SLC26A7: variants seen among roughly 807,000 people sequenced by gnomAD.
SLC26A7 encodes the protein solute carrier family 26 member 7.
In SLC26A7, 59 loss-of-function variants were observed where a neutral mutation model predicts 82.5. The ratio of observed to expected loss-of-function variants is 0.72; its 90% CI spans 0.58 to 0.89. SLC26A7 has a LOEUF of 0.89. Among genes scored for constraint, SLC26A7 ranks in the 40% least tolerant of loss-of-function variants. SLC26A7 has a pLI of 0.00. For synonymous variants in SLC26A7, 271 were observed against 274.3 expected, an observed-to-expected ratio of 0.99 and a Z score of 0.12; for missense variants, 820 against 793.0, an observed-to-expected ratio of 1.03 and a Z score of -0.41.
chr8:91,341,356 A>G (rs1044054143), intron 8 of SLC26A7, among the ~76,000 whole-genome samples: 2 of 152,040 alleles, frequency 1.3e-5, no homozygotes, highest in Non-Finnish European at 2.9e-5. Context: ...CATGGTGTAT[A>G]TGTGCCACAT....
At position 91,352,818 on chromosome 8, in the gene SLC26A7, A is replaced by G. The variant is rs1015734937; in HGVS notation, c.1219-83A>G. On this transcript the variant is annotated intron_variant, in intron 10 of 18. Transcript: ENST00000276609. ...TTCTCTATTAAGTACTTTAAAAACA[A>G]AAAAATAAAAATACCTTAGCCCTTT... The G allele has an allele frequency of 1.3e-5, 15 of 1,143,704 alleles. No homozygotes were observed. In the African/African-American group the frequency reaches 2.2e-4, roughly 17 times the overall value. 70.8% of individuals were successfully genotyped at this position (1,143,704 alleles called of 1,614,324 possible).
intron 2 of SLC26A7, among the ~76,000 whole-genome samples, chr8:91,225,042 G>A (rs562232300): frequency 6.6e-6 from 1 of 152,322 alleles, no homozygotes; most frequent in East Asian, 1.9e-4. Context: ...CCCCAGCAGG[G>A]GAAAAAGCGC....
At chr8:91,279,585 G>A (rs190857813) in intron 2 of SLC26A7, among the ~76,000 whole-genome samples, 7 of 151,984 alleles carry the variant, frequency 4.6e-5, no homozygotes, top group Admixed American at 4.6e-4. Context: ...TTTTTGAGAC[G>A]GAGTCTCGCT....
chr8:91,226,038 CA>C (rs1273655606), intron 2 of SLC26A7, among the ~76,000 whole-genome samples: 2 of 152,166 alleles, frequency 1.3e-5, no homozygotes, highest in Non-Finnish European at 2.9e-5. Flanking sequence ...GTATTTCTCT[CA>C]AAACCATGTG....
At chr8:91,329,133 G>C (rs1813009997) in intron 5 of SLC26A7, among the ~76,000 whole-genome samples, 1 of 152,142 alleles carries the variant, frequency 6.6e-6, no homozygotes, top group South Asian at 2.1e-4. Flanking sequence ...CTGGAGCTTA[G>C]TGCATGATAG....
chr8:91,341,804 C>A (rs1813423080), intron 8 of SLC26A7, among the ~76,000 whole-genome samples: 1 of 152,186 alleles, frequency 6.6e-6, no homozygotes, highest in Non-Finnish European at 1.5e-5. Flanking sequence ...AACACCACCA[C>A]CTTGCTTCTT....
intron 2 of SLC26A7, among the ~76,000 whole-genome samples, chr8:91,274,217 C>G (rs1271361225): frequency 6.6e-6 from 1 of 152,186 alleles, no homozygotes; most frequent in Non-Finnish European, 1.5e-5. Context: ...CTATTCCCCA[C>G]TAGAACATAA....
At chr8:91,368,830 T>C (rs964348775) in intron 14 of SLC26A7, among the ~76,000 whole-genome samples, 1 of 152,190 alleles carries the variant, frequency 6.6e-6, no homozygotes, top group African/African-American at 2.4e-5. Flanking sequence ...AGCCCTGAGA[T>C]GTAAGTGGCA....
chr8:91,287,385 C>T (rs960463337), intron 2 of SLC26A7, among the ~76,000 whole-genome samples: 3 of 152,154 alleles, frequency 2.0e-5, no homozygotes, highest in African/African-American at 7.2e-5. Flanking sequence ...GCTATTCACG[C>T]TATTCATATG....
chr8:91,242,998 T>C (rs1479669743), intron 2 of SLC26A7, among the ~76,000 whole-genome samples: 1 of 152,136 alleles, frequency 6.6e-6, no homozygotes, highest in African/African-American at 2.4e-5. Context: ...TATAAAAACC[T>C]CCTACATAAA....
rs993209087 is a variant in SLC26A7 at position 91,396,276 on chromosome 8, A to G, written c.*1179A>G. 2.0e-5 allele frequency: 3 copies of G among 152,112 alleles called. No individual in the cohort carries two copies. Among genetic ancestry groups the G allele is most frequent in the African/African-American group, 7.2e-5 (3 of 41,456 alleles). The allele number at this position is 152,112 out of a possible 1,614,324, so 9.4% of individuals were successfully genotyped here. A position where few individuals can be genotyped will look rare whatever the true frequency, so the allele number is the denominator to read the frequency against. On this transcript the variant is annotated 3_prime_UTR_variant, in exon 19 of 19. Transcript: ENST00000276609. ...TAGGAAAAAATTATCACCTTCAAAG[A>G]TAGGCATAGACACATAATTATGCTT...
At chr8:91,239,643 A>C (rs1019504801) in intron 2 of SLC26A7, among the ~76,000 whole-genome samples, 1 of 152,066 alleles carries the variant, frequency 6.6e-6, no homozygotes, top group African/African-American at 2.4e-5. Flanking sequence ...GTATGGGTCT[A>C]TACAAACTTT....
intron 1 of SLC26A7, among the ~76,000 whole-genome samples, chr8:91,214,201 T>C (rs986429000): frequency 5.3e-5 from 8 of 151,940 alleles, no homozygotes; most frequent in Non-Finnish European, 1.2e-4. Context: ...ATATAAATTG[T>C]TGATTGATTG....
At chr8:91,369,976 C>A in intron 15 of SLC26A7, 143 bp downstream of exon 15, 1 of 678,554 alleles carries the variant, frequency 1.5e-6, no homozygotes, top group Non-Finnish European at 2.5e-6. Flanking sequence ...CCTCTTCCCT[C>A]TACTCTCCTC....
intron 14 of SLC26A7, among the ~76,000 whole-genome samples, chr8:91,368,030 T>G (rs979439885): frequency 6.6e-6 from 1 of 152,044 alleles, no homozygotes; most frequent in Non-Finnish European, 1.5e-5. Flanking sequence ...AAATGTGAGG[T>G]CTCCTGTTCA....
In SLC26A7 at chr8:91,294,039, G is replaced by C. The variant is rs191459063; in HGVS notation, c.305-1492G>C. 8.1e-4 allele frequency among the ~76,000 whole-genome samples: 123 copies of C among 152,230 alleles called. 1 individual carries two copies. The highest frequency in any genetic ancestry group is 1.3e-3 in the Non-Finnish European group (91 of 68,004). The stretch of plus-strand genomic sequence containing the variant: ...TTAGTATTTTGTGATAAGGACAGTG[G>C]TCATGATTTATTGATGATTTATTGA... On this transcript the variant is annotated intron_variant, in intron 3 of 18. Coordinates refer to ENST00000276609, the MANE Select transcript of SLC26A7 (RefSeq NM_052832.4).
At chr8:91,308,930 A>G (rs1262553276) in intron 4 of SLC26A7, among the ~76,000 whole-genome samples, 2 of 151,984 alleles carry the variant, frequency 1.3e-5, no homozygotes, top group Non-Finnish European at 2.9e-5. Context: ...CCAGGTTCAT[A>G]TTTTATATGC....
At chr8:91,345,343 C>G (rs1340142677) in intron 9 of SLC26A7, among the ~76,000 whole-genome samples, 1 of 152,118 alleles carries the variant, frequency 6.6e-6, no homozygotes, top group East Asian at 1.9e-4. Flanking sequence ...AGTGGTTCAG[C>G]GTTGGGCTCC....
intron 15 of SLC26A7, among the ~76,000 whole-genome samples, chr8:91,386,838 C>T (rs986650435): frequency 1.3e-5 from 2 of 152,096 alleles, no homozygotes; most frequent in Non-Finnish European, 2.9e-5. Context: ...CATCTGGCCC[C>T]AACTCATTAC....
Sources: allele counts gnomAD v4.1 joint callset (sites outside exome capture counted in the v4.1 genomes callset), GRCh38; gene constraint gnomAD v4.1.1; transcripts MANE v1.5; gene names NCBI Gene and HGNC (gene_info 2026-07-23, HGNC 2026-07-21).